NRCAM: variants seen among roughly 807,000 people sequenced by gnomAD.
The protein encoded by NRCAM is NgCAM-related cell adhesion molecule.
A neutral mutation model predicts 156.5 loss-of-function variants in NRCAM; 83 were observed. The observed-to-expected ratio is 0.53, with a 90% confidence interval of 0.44 to 0.64. NRCAM has a LOEUF of 0.64. Among genes scored for constraint, NRCAM ranks in the 30% least tolerant of loss-of-function variants. NRCAM has a pLI of 0.00. For synonymous variants in NRCAM, 538 were observed against 563.9 expected, an observed-to-expected ratio of 0.95 and a Z score of 0.65; for missense variants, 1,417 against 1,597.3, an observed-to-expected ratio of 0.89 and a Z score of 1.92.
At chr7:108,456,470 G>GCCCTCTCCGCTCCCC (rs1458991270), upstream of NRCAM, 52 of 146,786 alleles carry the variant, frequency 3.5e-4, no homozygotes, top group East Asian at 0.01. Context: ...CGCCGCTCCC[G>GCCCTCTCCGCTCCCC]CCCTCTCCGC....
intron 2 of NRCAM, among the ~76,000 whole-genome samples, chr7:108,389,913 A>G (rs149481165): frequency 0.029 from 4,408 of 152,234 alleles, 106 homozygotes; most frequent in African/African-American, 0.066. Flanking sequence ...AGCCCACTTG[A>G]TCATGGTGGA....
intron 2 of NRCAM, among the ~76,000 whole-genome samples, chr7:108,352,404 A>G (rs896884177): frequency 2.6e-5 from 4 of 152,240 alleles, no homozygotes; most frequent in Non-Finnish European, 4.4e-5. Context: ...TGTTTAAGTC[A>G]AAGAACATTT....
At chr7:108,237,209 T>C (rs377127071) in intron 5 of NRCAM, among the ~76,000 whole-genome samples, 24 of 152,158 alleles carry the variant, frequency 1.6e-4, no homozygotes, top group African/African-American at 5.8e-4. Context: ...TCAAATACCA[T>C]GTGAGTGGGA....
intron 11 of NRCAM, among the ~76,000 whole-genome samples, chr7:108,210,552 G>C (rs772102773): frequency 6.6e-6 from 1 of 152,128 alleles, no homozygotes; most frequent in Non-Finnish European, 1.5e-5. Flanking sequence ...GGTCCCAACT[G>C]TGTTTTTTAT....
intron 3 of NRCAM, among the ~76,000 whole-genome samples, chr7:108,296,075 G>A (rs1212473347): frequency 2.0e-5 from 3 of 152,216 alleles, no homozygotes; most frequent in Non-Finnish European, 4.4e-5. Context: ...GTTATAGATG[G>A]AAGTCAGACA....
chr7:108,439,600 A>T (rs1384128088), intron 1 of NRCAM, among the ~76,000 whole-genome samples: 1 of 152,140 alleles, frequency 6.6e-6, no homozygotes, highest in Non-Finnish European at 1.5e-5. Flanking sequence ...TACGCCTGTA[A>T]TCTCAGCACT....
At chr7:108,225,878 C>G (rs1589072085) in intron 9 of NRCAM, among the ~76,000 whole-genome samples, 177 bp from the exon 10 acceptor site, 2 of 152,258 alleles carry the variant, frequency 1.3e-5, no homozygotes, top group African/African-American at 4.8e-5. Flanking sequence ...CCACCCCCAC[C>G]AGGAATATGC....
chr7:108,184,445 C>T lies in NRCAM; in HGVS notation c.2205G>A (p.Ala735=), dbSNP rs401433. 1.2e-6 allele frequency: 2 copies of T among 1,613,970 alleles called. No homozygotes were observed. Among genetic ancestry groups the T allele is most frequent in the African/African-American group, 1.3e-5 (1 of 74,952 alleles). ...AGGCTTTCGTCAAATACTGCTCAGA[C>T]GCCTCGCTGGGCAAGCTCTTCCCAA... ...NSIGKSLPSE[A]SEQYLTKASE... Residue 735 remains alanine (A), a synonymous_variant, in exon 21 of 33, where the codon GCG becomes GCA. Transcript: ENST00000379028.
At chr7:108,153,587 C>G (rs2151016565) in intron 32 of NRCAM, among the ~76,000 whole-genome samples, 1 of 151,968 alleles carries the variant, frequency 6.6e-6, no homozygotes, top group South Asian at 2.1e-4. Context: ...CACTTCTAAT[C>G]AAAACTGAAT....
chr7:108,310,137 T>A (rs1212647445), intron 3 of NRCAM, among the ~76,000 whole-genome samples: 1 of 152,222 alleles, frequency 6.6e-6, no homozygotes, highest in African/African-American at 2.4e-5. Context: ...TGTCAGGTTA[T>A]TCTTCATACA....
chr7:108,262,173 T>C (rs1253853954), intron 3 of NRCAM, among the ~76,000 whole-genome samples: 1 of 152,042 alleles, frequency 6.6e-6, no homozygotes, highest in South Asian at 2.1e-4. Context: ...TGGGGGACCC[T>C]AGGCTAACAC....
At position 108,432,045 on chromosome 7, in the gene NRCAM, A is replaced by G. The variant is rs371469087; in HGVS notation, c.-332+24198T>C. Among the ~76,000 whole-genome samples the G allele has an allele frequency of 1.1e-4, 17 of 152,288 alleles. No individual in the cohort carries two copies. The East Asian group carries it at 2.3e-3, about 21-fold the overall frequency. ...TAGCAGGGGAGGGAAGAAGACAGGC[A>G]ATGCTGCTAAGAAAGGTATTCAGGA... On this transcript the variant is annotated intron_variant, in intron 1 of 32. Coordinates refer to ENST00000379028, the MANE Select transcript of NRCAM (RefSeq NM_001037132.4).
intron 8 of NRCAM, 57 bp downstream of exon 8, chr7:108,230,974 G>T: frequency 7.4e-7 from 1 of 1,358,134 alleles, no homozygotes; most frequent in Non-Finnish European, 1.0e-6. Flanking sequence ...AATGTATTAT[G>T]ACTGTAAACA....
At chr7:108,401,333 G>C (rs977004167) in intron 1 of NRCAM, among the ~76,000 whole-genome samples, 8 of 152,100 alleles carry the variant, frequency 5.3e-5, no homozygotes, top group Non-Finnish European at 7.4e-5. Context: ...TTGAGCCCAG[G>C]AGTTCCAGAC....
chr7:108,430,508 A>G (rs1328308254), intron 1 of NRCAM, among the ~76,000 whole-genome samples: 1 of 152,226 alleles, frequency 6.6e-6, no homozygotes, highest in East Asian at 1.9e-4. Context: ...GACCCATGCA[A>G]GTGAAAGGAC....
chr7:108,271,504 C>A (rs568284111), intron 3 of NRCAM, among the ~76,000 whole-genome samples: 31 of 152,144 alleles, frequency 2.0e-4, no homozygotes, highest in Admixed American at 7.9e-4. Flanking sequence ...TTGAGACCAG[C>A]CTAGCCAACA....
At chr7:108,423,597 A>G (rs541754994) in intron 1 of NRCAM, among the ~76,000 whole-genome samples, 2 of 152,368 alleles carry the variant, frequency 1.3e-5, no homozygotes, top group African/African-American at 4.8e-5. Context: ...AAAACCAAGA[A>G]GCACCTCAGT....
intron 1 of NRCAM, among the ~76,000 whole-genome samples, chr7:108,412,358 G>A (rs1056305399): frequency 4.6e-5 from 7 of 151,862 alleles, no homozygotes; most frequent in African/African-American, 1.7e-4. Context: ...AAGACTGTGT[G>A]AGACCTTTGC....
chr7:108,403,995 T>G (rs1163855403), intron 1 of NRCAM, among the ~76,000 whole-genome samples: 1 of 152,158 alleles, frequency 6.6e-6, no homozygotes, highest in Admixed American at 6.5e-5. Context: ...TCCTGGCTGC[T>G]TTTCTTAGTT....
Sources: gnomAD v4.1 joint callset for allele counts (sites outside exome capture counted in the v4.1 genomes callset) on GRCh38, gnomAD v4.1.1 for gene constraint, MANE v1.5 for transcripts, NCBI Gene and HGNC (gene_info 2026-07-23, HGNC 2026-07-21) for gene names.